The following GRAMD4 variants were observed in gnomAD, a reference collection of about 807,000 sequenced individuals.
GRAMD4 encodes the protein GRAM domain containing 4.
A neutral mutation model predicts 83.9 loss-of-function variants in GRAMD4; 25 were observed. That is an observed-to-expected ratio of 0.30 (90% CI 0.22 to 0.42). The LOEUF (loss-of-function observed/expected upper bound fraction) is 0.42, where lower values mean the gene tolerates loss of function less well. Among genes scored for constraint, GRAMD4 ranks in the 10% least tolerant of loss-of-function variants. The pLI is 1.00. For synonymous variants in GRAMD4, 336 were observed against 320.9 expected (o/e 1.05, Z -0.50); for missense variants, 593 against 788.7 (o/e 0.75, Z 2.97).
At chr22:46,609,500 C>T (rs922335775) in intron 1 of GRAMD4, among the ~76,000 whole-genome samples, 4 of 152,224 alleles carry the variant, frequency 2.6e-5, no homozygotes, top group Non-Finnish European at 5.9e-5. Flanking sequence ...GCTCTTTTCA[C>T]GGGAGGAGCT....
chr22:46,586,552 G>A (rs1189306610), intron 1 of GRAMD4, among the ~76,000 whole-genome samples: 6 of 152,118 alleles, frequency 3.9e-5, no homozygotes, highest in South Asian at 2.1e-4. Flanking sequence ...TTGGGGAAAC[G>A]TGGGGGTCAT....
At chr22:46,623,965 A>G (rs1475893672) in intron 1 of GRAMD4, among the ~76,000 whole-genome samples, 1 of 151,876 alleles carries the variant, frequency 6.6e-6, no homozygotes, top group Non-Finnish European at 1.5e-5. Flanking sequence ...TATTTTAAGC[A>G]GAGATGGAGG....
At position 46,672,046 on chromosome 22, in the gene GRAMD4, G is replaced by A. The variant is rs550097933; in HGVS notation, c.1085-797G>A. Among the ~76,000 whole-genome samples, 1 of 152,360 alleles carries A rather than the reference G, an allele frequency of 6.6e-6. No homozygotes were observed. The highest frequency in any genetic ancestry group is 2.1e-4 in the South Asian group (1 of 4,828). ...TCTGGTCTGGCGGGCTGTGCACTGG[G>A]GGCAGCGAGACAGCCCCCAGCACTG... On this transcript the variant is annotated intron_variant, in intron 13 of 18. Transcript: ENST00000406902. This position sits in a 1 kb window ranked among gnomAD's most constrained non-coding sequence, Gnocchi z 4.7.
intron 13 of GRAMD4, among the ~76,000 whole-genome samples, chr22:46,670,276 A>G (rs2082482327): frequency 6.6e-6 from 1 of 152,224 alleles, no homozygotes; most frequent in Non-Finnish European, 1.5e-5. Context: ...TGGTGGGAGG[A>G]CAGGCCTCTC....
At chr22:46,682,528 C>T (rs779923712), downstream of GRAMD4, 166 of 722,054 alleles carry the variant, frequency 2.3e-4, 1 homozygote, top group Admixed American at 6.3e-4. Flanking sequence ...CTCGGGACTG[C>T]GACGAGGGCG....
rs2082624599 is a variant in GRAMD4 at position 46,678,034 on chromosome 22, A to G, written c.*783A>G. 1 of 985,750 alleles carries G rather than the reference A, an allele frequency of 1.0e-6. No individual in the cohort carries two copies. The highest frequency in any genetic ancestry group is 1.7e-5 in the African/African-American group (1 of 57,362). 61.1% of individuals were successfully genotyped at this position (985,750 alleles called of 1,614,324 possible). On this transcript the variant is annotated 3_prime_UTR_variant, in exon 19 of 19. Coordinates refer to ENST00000406902, the MANE Select transcript of GRAMD4 (RefSeq NM_015124.5). ...AGGAGGTCTGTAGCTGGGGACCAGT[A>G]AGGGCACAGGATGGTGCAGGTAAAA...
At chr22:46,599,230 T>A (rs899367659) in intron 1 of GRAMD4, among the ~76,000 whole-genome samples, 2 of 152,110 alleles carry the variant, frequency 1.3e-5, no homozygotes, top group Non-Finnish European at 2.9e-5. Context: ...TGTGTGAGAG[T>A]GCTTGCGTTG....
At chr22:46,616,853 T>G (rs1280226676), upstream of GRAMD4, among the ~76,000 whole-genome samples, 2 of 22,372 alleles carry the variant, frequency 8.9e-5, no homozygotes. Context: ...TACGTTCCCC[T>G]GTGTGTAGGT....
Position 46,611,405 on chromosome 22 carries a change from G to A in GRAMD4, c.-49-15346G>A, listed in dbSNP as rs576469977. Among the ~76,000 whole-genome samples, 3 of 152,166 alleles carry A rather than the reference G, an allele frequency of 2.0e-5. No homozygotes were observed. The South Asian group carries it at 6.2e-4, about 32-fold the overall frequency. ...CTTCTGGGGCTGTCGTGGGGTTTAA[G>A]CAAGCTCAGGCCATGGAGTCCAGTG... On this transcript the variant is annotated intron_variant, in intron 1 of 1. Transcript: ENST00000431155.
intron 2 of GRAMD4, among the ~76,000 whole-genome samples, chr22:46,631,117 A>C (rs966734801): frequency 3.9e-5 from 6 of 152,252 alleles, no homozygotes; most frequent in Non-Finnish European, 5.9e-5. Flanking sequence ...ATCTTTGCAC[A>C]CATGTAGGCT....
chr22:46,616,449 T>C (rs1235624415), upstream of GRAMD4, among the ~76,000 whole-genome samples: 11 of 126,022 alleles, frequency 8.7e-5, no homozygotes, highest in South Asian at 5.6e-4. Context: ...CCTGTGCGTG[T>C]AGGTTCCCCC....
At chr22:46,595,604 T>C (rs2081254364) in intron 1 of GRAMD4, among the ~76,000 whole-genome samples, 1 of 152,154 alleles carries the variant, frequency 6.6e-6, no homozygotes, top group Non-Finnish European at 1.5e-5. Flanking sequence ...GGCACACCCA[T>C]GGGAGGCCCC....
intron 13 of GRAMD4, chr22:46,671,223 C>T: frequency 3.0e-6 from 1 of 336,426 alleles, no homozygotes. Context: ...TGGCCCTGCC[C>T]CTCCTCACAC....
rs779932842 is a variant in GRAMD4, at chr22:46,674,760, G to A, written c.1478+10G>A. ...TCTACGTCACGGAGAAGTGAGTGCAGCCGTGGGGCCCTGTGTGGCTGCAGG... is the reference window on the plus strand; with the variant it reads ...TCTACGTCACGGAGAAGTGAGTGCAACCGTGGGGCCCTGTGTGGCTGCAGG... On this transcript the variant is annotated intron_variant, in intron 16 of 18. Coordinates refer to ENST00000406902, the MANE Select transcript of GRAMD4 (RefSeq NM_015124.5). The A allele has an allele frequency of 1.1e-4, 181 of 1,582,588 alleles. No homozygotes were observed. The highest frequency in any genetic ancestry group is 1.5e-4 in the Non-Finnish European group (171 of 1,152,546).
chr22:46,597,040 G>A (rs2081268313), intron 1 of GRAMD4, among the ~76,000 whole-genome samples: 1 of 152,168 alleles, frequency 6.6e-6, no homozygotes, highest in African/African-American at 2.4e-5. Context: ...GGTTAAACCA[G>A]GTCTCCACGC....
chr22:46,639,934 C>T (rs957560660), intron 3 of GRAMD4, among the ~76,000 whole-genome samples: 1 of 152,160 alleles, frequency 6.6e-6, no homozygotes, highest in African/African-American at 2.4e-5. Flanking sequence ...GATGACCGTC[C>T]TGGTGACCTG....
chr22:46,644,717 T>A (rs866751383), intron 3 of GRAMD4, among the ~76,000 whole-genome samples: 4 of 92,136 alleles, frequency 4.3e-5, no homozygotes, highest in East Asian at 1.1e-3. Context: ...TTTTTTTTTT[T>A]TTTTTTTTTT....
intron 1 of GRAMD4, among the ~76,000 whole-genome samples, chr22:46,597,004 C>G (rs952820178): frequency 6.6e-6 from 1 of 152,196 alleles, no homozygotes; most frequent in African/African-American, 2.4e-5. Flanking sequence ...TTCTCAGCGT[C>G]CATCCATCTG....
At chr22:46,584,577 C>T (rs1438525663) in intron 1 of GRAMD4, among the ~76,000 whole-genome samples, 6 of 152,138 alleles carry the variant, frequency 3.9e-5, no homozygotes, top group Non-Finnish European at 7.3e-5. Context: ...GGTGTGTCTG[C>T]GTAGTGGGAC....
Sources: allele counts gnomAD v4.1 joint callset (sites outside exome capture counted in the v4.1 genomes callset), GRCh38; gene constraint gnomAD v4.1.1; non-coding constraint Gnocchi (gnomAD v3.1); transcripts MANE v1.5; gene names NCBI Gene and HGNC (gene_info 2026-07-23, HGNC 2026-07-21).